Variants in CAMK2B observed in about 807,000 individuals in gnomAD.
CAMK2B encodes the protein calcium/calmodulin-dependent protein kinase type II subunit beta.
CAMK2B carries 27 observed loss-of-function variants against 93.7 expected under a neutral mutation model. The observed-to-expected ratio is 0.29, with a 90% CI of 0.21 to 0.40. CAMK2B has a LOEUF of 0.40. CAMK2B is among the 10% of genes least tolerant of loss of function. The pLI, the probability that CAMK2B is intolerant of heterozygous loss-of-function variation, is 1.00. For synonymous variants in CAMK2B, 374 were observed against 358.8 expected, an observed-to-expected ratio of 1.04 and a Z score of -0.48; for missense variants, 568 against 895.8, an observed-to-expected ratio of 0.63 and a Z score of 4.67.
chr7:44,247,049 T>G (rs760565436), intron 6 of CAMK2B, 71 bp downstream of exon 6: 80 of 1,295,896 alleles, frequency 6.2e-5, no homozygotes, highest in Non-Finnish European at 8.4e-5. Flanking sequence ...GTCCAGCCCC[T>G]CACACTTCCT....
rs762884734 is a variant in CAMK2B at position 44,241,810 on chromosome 7, C to T, written c.820-27G>A. On this transcript the variant is annotated intron_variant, in intron 10 of 23. Transcript: ENST00000395749. ...TGTGGGGAAATGGGTGGTCATATGG[C>T]AGCCGAGCCCGAGGCACAGGGGAGA... is the stretch of plus-strand genomic sequence containing the variant. The T allele has an allele frequency of 6.4e-5, 102 of 1,589,058 alleles. 1 individual carries two copies. The Admixed American group carries it at 1.6e-3, about 24-fold the overall frequency.
At chr7:44,282,746 A>G (rs893868196) in intron 2 of CAMK2B, among the ~76,000 whole-genome samples, 1 of 152,226 alleles carries the variant, frequency 6.6e-6, no homozygotes, top group South Asian at 2.1e-4. Context: ...GCCCGCCCCC[A>G]CAGGTGGCTG....
intron 1 of CAMK2B, among the ~76,000 whole-genome samples, chr7:44,310,570 A>G (rs1015324589): frequency 4.6e-5 from 7 of 152,266 alleles, no homozygotes; most frequent in Admixed American, 3.9e-4. Context: ...GGCAGGAGCA[A>G]CCTGCGTCTG....
rs751367083 is a variant in CAMK2B at position 44,311,006 on chromosome 7, G to C, written c.65+14351C>G. 6.6e-6 allele frequency among the ~76,000 whole-genome samples: 1 copy of C among 152,124 alleles called. No homozygotes were observed. The highest frequency in any genetic ancestry group is 1.5e-5 in the Non-Finnish European group (1 of 68,016). On this transcript the variant is annotated intron_variant, in intron 1 of 23. Transcript: ENST00000395749. The surrounding 1 kb of genome is among the most constrained non-coding windows in gnomAD (Gnocchi z 4.2). Reference sequence around the variant, plus strand: ...ATGGTATGTAGCCGTTATCTCTGAGGAATCATTAAGAAATAATGACAGAAA... The same window carrying C: ...ATGGTATGTAGCCGTTATCTCTGAGCAATCATTAAGAAATAATGACAGAAA...
chr7:44,307,048 G>A (rs1243539038), intron 1 of CAMK2B, among the ~76,000 whole-genome samples: 10 of 121,714 alleles, frequency 8.2e-5, no homozygotes, highest in South Asian at 3.4e-4. Flanking sequence ...AGGAGGCGGT[G>A]AGCAGGGGGA....
intron 3 of CAMK2B, 89 bp from the exon 4 acceptor site, chr7:44,259,015 C>CTGGT: frequency 1.7e-6 from 2 of 1,184,504 alleles, no homozygotes; most frequent in Non-Finnish European, 2.5e-6. Flanking sequence ...ACACCACCAG[C>CTGGT]GGTGTAAGCC....
chr7:44,226,581 C>A lies in CAMK2B; in HGVS notation c.1532G>T (p.Gly511Val). 1 of 1,491,424 alleles carries A rather than the reference C, an allele frequency of 6.7e-7. No individual in the cohort carries two copies. Among genetic ancestry groups the A allele is most frequent in the South Asian group, 1.4e-5 (1 of 70,508 alleles). 92.4% of individuals were successfully genotyped at this position (1,491,424 alleles called of 1,614,324 possible). Residue 511 changes from glycine (G) to valine (V), a missense_variant, in exon 20 of 24, where the codon GGC becomes GTC. Gly to Val is a moderately radical substitution (Grantham distance 109). This residue lies in a region of CAMK2B where 308 missense variants were observed against 292.1 expected (regional missense o/e 1.05). Coordinates refer to ENST00000395749, the MANE Select transcript of CAMK2B (RefSeq NM_001220.5). ...GGGCGGGGGCCCCACTGGCGAGGGG[C>A]CCTCGGCTTCTGGGGTCCCTGAGCC... is the stretch of plus-strand genomic sequence containing the variant. ...RRGSGTPEAEGPSPVGPPPCP... is the reference protein window; with the variant it reads ...RRGSGTPEAEVPSPVGPPPCP...
intron 2 of CAMK2B, among the ~76,000 whole-genome samples, chr7:44,278,379 G>A (rs1317241414): frequency 6.6e-6 from 1 of 152,200 alleles, no homozygotes; most frequent in Non-Finnish European, 1.5e-5. Context: ...GGATGACTGA[G>A]TAACCTGGCC....
chr7:44,245,788 G>A (rs1782544077), intron 6 of CAMK2B, among the ~76,000 whole-genome samples: 2 of 152,130 alleles, frequency 1.3e-5, no homozygotes, highest in Admixed American at 1.3e-4. Context: ...AAAGATCATC[G>A]ATGGCCTAAG....
At chr7:44,267,638 C>T (rs1337393820) in intron 2 of CAMK2B, among the ~76,000 whole-genome samples, 4 of 152,214 alleles carry the variant, frequency 2.6e-5, no homozygotes, top group Non-Finnish European at 4.4e-5. Flanking sequence ...TACACACCTG[C>T]TCCCCAAGGG....
intron 1 of CAMK2B, among the ~76,000 whole-genome samples, chr7:44,316,264 G>A (rs1417354165): frequency 6.6e-6 from 1 of 151,848 alleles, no homozygotes; most frequent in Non-Finnish European, 1.5e-5. Context: ...TGCTTTTTCT[G>A]CATCTATTGA....
chr7:44,304,534 G>A (rs1320163298), intron 1 of CAMK2B, among the ~76,000 whole-genome samples: 4 of 152,190 alleles, frequency 2.6e-5, no homozygotes, highest in Admixed American at 6.5e-5. Flanking sequence ...TGAGTCCAAT[G>A]GTATGACATG....
intron 1 of CAMK2B, among the ~76,000 whole-genome samples, chr7:44,306,955 G>T (rs1791854659): frequency 8.1e-6 from 1 of 123,378 alleles, no homozygotes; most frequent in Admixed American, 8.2e-5. Flanking sequence ...GGTGAGTAGG[G>T]GGAGGAGGAT....
At chr7:44,309,069 G>A (rs566290605) in intron 1 of CAMK2B, among the ~76,000 whole-genome samples, 1 of 152,226 alleles carries the variant, frequency 6.6e-6, no homozygotes, top group Non-Finnish European at 1.5e-5. Context: ...TGCCCGCCTG[G>A]CCTAGTAGGC....
chr7:44,266,551 TGCCA>T (rs1252670500), intron 2 of CAMK2B, among the ~76,000 whole-genome samples: 1 of 152,210 alleles, frequency 6.6e-6, no homozygotes, highest in Non-Finnish European at 1.5e-5. Flanking sequence ...CATCCCTCCC[TGCCA>T]GCCTCATTCT....
chr7:44,252,992 C>T (rs1489617447), intron 5 of CAMK2B, among the ~76,000 whole-genome samples: 1 of 152,200 alleles, frequency 6.6e-6, no homozygotes, highest in Non-Finnish European at 1.5e-5. Flanking sequence ...GGCCAAGAGA[C>T]TCACCAGCTT....
rs567968959 is a variant in CAMK2B at position 44,295,671 on chromosome 7, G to A, written c.66-11446C>T. 2.6e-5 allele frequency among the ~76,000 whole-genome samples: 4 copies of A among 152,334 alleles called. No homozygotes were observed. The South Asian group carries it at 8.3e-4, about 32-fold the overall frequency. On this transcript the variant is annotated intron_variant, in intron 1 of 23. Coordinates refer to ENST00000395749, the MANE Select transcript of CAMK2B (RefSeq NM_001220.5). Reference sequence around the variant, plus strand: ...GAAGACTGGAGGAAAACTCCCCAGGGCTTCTGGCAGGGGGAGGAGAAAAAT... The same window carrying A: ...GAAGACTGGAGGAAAACTCCCCAGGACTTCTGGCAGGGGGAGGAGAAAAAT...
At chr7:44,273,538 C>T (rs899755708) in intron 2 of CAMK2B, among the ~76,000 whole-genome samples, 2 of 147,968 alleles carry the variant, frequency 1.4e-5, no homozygotes, top group Admixed American at 6.8e-5. Flanking sequence ...AGCCCTGGTG[C>T]GATGGGTCCT....
chr7:44,241,312 G>A (rs993025935), intron 11 of CAMK2B, among the ~76,000 whole-genome samples: 1 of 152,210 alleles, frequency 6.6e-6, no homozygotes, highest in African/African-American at 2.4e-5. Context: ...AGACCAGTGT[G>A]TGTGGCTCTG....
Sources: gnomAD v4.1 joint callset for allele counts (sites outside exome capture counted in the v4.1 genomes callset) on GRCh38, gnomAD v4.1.1 for gene constraint, gnomAD v4.1.1 regional missense constraint, Gnocchi (gnomAD v3.1) non-coding constraint, MANE v1.5 for transcripts, NCBI Gene and HGNC (gene_info 2026-07-23, HGNC 2026-07-21) for gene names.